Variants in KBTBD11 observed in about 807,000 individuals in gnomAD.
KBTBD11 encodes kelch repeat and BTB domain-containing protein 11.
For synonymous variants in KBTBD11, 747 were observed against 499.0 expected (o/e 1.50, Z -6.63); for missense variants, 1,390 against 1,001.8 (o/e 1.39, Z -5.23).
At chr8:1,978,589 C>T (rs996218532) in intron 1 of KBTBD11, among the ~76,000 whole-genome samples, 32 of 152,274 alleles carry the variant, frequency 2.1e-4, no homozygotes, top group Admixed American at 6.5e-4. Flanking sequence ...CAGGTGGAAC[C>T]GGGTCACCTT....
At chr8:1,987,706 G>A (rs924251942) in intron 1 of KBTBD11, among the ~76,000 whole-genome samples, 20 of 149,178 alleles carry the variant, frequency 1.3e-4, no homozygotes, top group African/African-American at 4.2e-4. Context: ...AGGTTCATCT[G>A]TCCTTATCTT....
chr8:1,981,436 T>G (rs1448831460), intron 1 of KBTBD11, among the ~76,000 whole-genome samples: 3 of 152,208 alleles, frequency 2.0e-5, no homozygotes, highest in Non-Finnish European at 4.4e-5. Flanking sequence ...AACTACATCT[T>G]CAGTATGAAG....
At position 2,002,803 on chromosome 8, in the gene KBTBD11, C is replaced by A; in HGVS notation, c.1611C>A (p.Cys537Ter). 6.9e-7 allele frequency: 1 copy of A among 1,447,036 alleles called. No homozygotes were observed. Among genetic ancestry groups the A allele is most frequent in the Non-Finnish European group, 9.0e-7 (1 of 1,108,384 alleles). The allele number at this position is 1,447,036 out of a possible 1,614,324, so 89.6% of individuals were successfully genotyped here. A position where few individuals can be genotyped will look rare whatever the true frequency, so the allele number is the denominator to read the frequency against. ...GCCTGGCCAAGCAGTGGAGCCCGTG[C>A]GTCGCGCCCCTGCGCCTCCCCGGCG... ...YHCLAKQWSPCVAPLRLPGGP... is the reference protein window; with the variant it reads ...YHCLAKQWSP The change falls in exon 2 of 2, where the codon TGC becomes TGA. Residue 537 changes from cysteine (C) to a stop codon, truncating the protein, a stop_gained. Transcript: ENST00000320248. LOFTEE classifies it low-confidence loss of function (END_TRUNC). The surrounding 1 kb of genome is among the most constrained non-coding windows in gnomAD (Gnocchi z 4.1).
At position 2,001,909 on chromosome 8, in the gene KBTBD11, C is replaced by T. The variant is rs551841702; in HGVS notation, c.717C>T (p.Val239=). The part of the protein sequence containing the change: ...PQLSLANCYE[V]LSAAKRQRLN... ...TGAGCCTGGCCAACTGCTACGAGGT[C>T]CTGAGCGCGGCCAAGCGGCAGCGGC... The change falls in exon 2 of 2, where the codon GTC becomes GTT. Residue 239 remains valine, a synonymous_variant. Coordinates refer to ENST00000320248, the MANE Select transcript of KBTBD11 (RefSeq NM_014867.3). The T allele has an allele frequency of 9.1e-5, 132 of 1,450,332 alleles. 1 individual carries two copies. The highest frequency in any genetic ancestry group is 9.4e-5 in the Non-Finnish European group (103 of 1,096,124). 89.8% of individuals were successfully genotyped at this position (1,450,332 alleles called of 1,614,324 possible).
Position 2,003,189 on chromosome 8 carries a change from G to C in KBTBD11, c.*125G>C. ...GCCACGCTGGTGGTTTGGACACTTC[G>C]AAGGAGCCCCGAGGACGCTCTCAGG... On this transcript the variant is annotated 3_prime_UTR_variant, in exon 2 of 2. Coordinates refer to ENST00000320248, the MANE Select transcript of KBTBD11 (RefSeq NM_014867.3). The C allele has an allele frequency of 8.1e-7, 1 of 1,234,620 alleles. No individual in the cohort carries two copies. The highest frequency in any genetic ancestry group is 1.0e-6 in the Non-Finnish European group (1 of 978,260). 76.5% of individuals were successfully genotyped at this position (1,234,620 alleles called of 1,614,324 possible).
At chr8:1,999,782 C>T (rs1441475392) in intron 1 of KBTBD11, among the ~76,000 whole-genome samples, 1 of 152,158 alleles carries the variant, frequency 6.6e-6, no homozygotes, top group Non-Finnish European at 1.5e-5. Context: ...CGCCTTTCTA[C>T]AAATGGTTGT....
chr8:1,987,875 C>T (rs960779563), intron 1 of KBTBD11, among the ~76,000 whole-genome samples: 1 of 152,082 alleles, frequency 6.6e-6, no homozygotes, highest in Non-Finnish European at 1.5e-5. Context: ...AATGCTTTCC[C>T]TCCCCCAGCT....
chr8:1,999,152 A>G (rs1817252783), intron 1 of KBTBD11, among the ~76,000 whole-genome samples: 1 of 152,190 alleles, frequency 6.6e-6, no homozygotes, highest in Non-Finnish European at 1.5e-5. Flanking sequence ...TCTGGAAGAC[A>G]GAGGGAGAGA....
At position 1,973,918 on chromosome 8, in the gene KBTBD11, A is replaced by C; in HGVS notation, c.-926A>C. ...CTGCGCGTCCCGGGCCCGGCGGCTG[A>C]AGAGGAGCCGCGGCGAGGTAGGGCG... On this transcript the variant is annotated 5_prime_UTR_variant, in exon 1 of 2. Coordinates refer to ENST00000320248, the MANE Select transcript of KBTBD11 (RefSeq NM_014867.3). The C allele has an allele frequency of 1.0e-6, 1 of 982,114 alleles. No individual in the cohort carries two copies. Among genetic ancestry groups the C allele is most frequent in the Non-Finnish European group, 1.2e-6 (1 of 828,460 alleles). The allele number at this position is 982,114 out of a possible 1,614,324, so 60.8% of individuals were successfully genotyped here. A position where few individuals can be genotyped will look rare whatever the true frequency, so the allele number is the denominator to read the frequency against.
intron 1 of KBTBD11, among the ~76,000 whole-genome samples, chr8:1,997,351 A>T (rs1718764484): frequency 6.6e-6 from 1 of 152,122 alleles, no homozygotes; most frequent in African/African-American, 2.4e-5. Flanking sequence ...CCCAAAGGCC[A>T]ACTCCTCTCC....
At chr8:1,978,602 T>C (rs1185368419) in intron 1 of KBTBD11, among the ~76,000 whole-genome samples, 7 of 152,146 alleles carry the variant, frequency 4.6e-5, no homozygotes, top group Admixed American at 3.3e-4. Context: ...GTCACCTTTC[T>C]CACGAGGCGG....
intron 1 of KBTBD11, among the ~76,000 whole-genome samples, chr8:1,987,097 C>G (rs1284166922): frequency 1.3e-5 from 2 of 151,440 alleles, no homozygotes; most frequent in Non-Finnish European, 2.9e-5. Context: ...AACAGAGACA[C>G]TGGAAGCCCT....
Position 2,006,495 on chromosome 8 carries a change from G to C in KBTBD11, c.*3431G>C, listed in dbSNP as rs1335687413. On this transcript the variant is annotated 3_prime_UTR_variant, in exon 2 of 2. Coordinates refer to ENST00000320248, the MANE Select transcript of KBTBD11 (RefSeq NM_014867.3). The stretch of plus-strand genomic sequence containing the variant: ...TGTTATTGTTCATAAGAAAACACGA[G>C]CTGAAAATGGAAATCTGCAGTTGTT... 1 of 166,962 alleles carries C rather than the reference G, an allele frequency of 6.0e-6. No homozygotes were observed. The highest frequency in any genetic ancestry group is 2.4e-5 in the African/African-American group (1 of 41,446). 10.3% of individuals were successfully genotyped at this position (166,962 alleles called of 1,614,324 possible).
At chr8:1,974,382 A>AGAAGCC in intron 1 of KBTBD11, 3 of 984,516 alleles carry the variant, frequency 3.0e-6, no homozygotes, top group Admixed American at 6.2e-5. Context: ...AAGCAGGAGC[A>AGAAGCC]GAAGCCGAAG....
rs1817326765 is a variant in KBTBD11 at position 2,001,115 on chromosome 8, G to C, written c.-78G>C. Reference sequence around the variant, plus strand: ...GAAAAGCTGTGAGGCTGGAAACCCCGGAGTAAGGCTCGACCTTGGCCAGAC... The same window carrying C: ...GAAAAGCTGTGAGGCTGGAAACCCCCGAGTAAGGCTCGACCTTGGCCAGAC... On this transcript the variant is annotated 5_prime_UTR_variant, in exon 2 of 2. Coordinates refer to ENST00000320248, the MANE Select transcript of KBTBD11 (RefSeq NM_014867.3). 7.9e-7 allele frequency: 1 copy of C among 1,263,836 alleles called. No individual in the cohort carries two copies. The highest frequency in any genetic ancestry group is 2.9e-5 in the South Asian group (1 of 34,572). The allele number at this position is 1,263,836 out of a possible 1,614,324, so 78.3% of individuals were successfully genotyped here. A position where few individuals can be genotyped will look rare whatever the true frequency, so the allele number is the denominator to read the frequency against.
Position 2,001,052 on chromosome 8 carries a change from G to C in KBTBD11, c.-141G>C. On this transcript the variant is annotated 5_prime_UTR_variant, in exon 2 of 2. Transcript: ENST00000320248. ...CCCCCTTCACACACACAACAACAAA[G>C]CGTGGACACACAGAAGTGAAATCTG... The C allele has an allele frequency of 1.8e-6, 2 of 1,131,640 alleles. No homozygotes were observed. Among genetic ancestry groups the C allele is most frequent in the Non-Finnish European group, 2.3e-6 (2 of 888,600 alleles). 70.1% of individuals were successfully genotyped at this position (1,131,640 alleles called of 1,614,324 possible). A position where few individuals can be genotyped will look rare whatever the true frequency, so the allele number is the denominator to read the frequency against.
chr8:1,994,369 G>A (rs544771145), intron 1 of KBTBD11, among the ~76,000 whole-genome samples: 1 of 152,318 alleles, frequency 6.6e-6, no homozygotes, highest in East Asian at 1.9e-4. Context: ...GGCAACCGGC[G>A]ACCCGCCTGA....
At position 2,001,848 on chromosome 8, in the gene KBTBD11, C is replaced by G. The variant is rs1817377779; in HGVS notation, c.656C>G (p.Ala219Gly). The G allele has an allele frequency of 8.0e-7, 1 of 1,247,078 alleles. No homozygotes were observed. Among genetic ancestry groups the G allele is most frequent in the Non-Finnish European group, 1.0e-6 (1 of 994,452 alleles). The allele number at this position is 1,247,078 out of a possible 1,614,324, so 77.3% of individuals were successfully genotyped here. A position where few individuals can be genotyped will look rare whatever the true frequency, so the allele number is the denominator to read the frequency against. The change falls in exon 2 of 2, where the codon GCC (alanine) becomes GGC (glycine). Residue 219 changes from alanine (A) to glycine (G), a missense_variant. By Grantham distance (60) the Ala-to-Gly change is moderately conservative. Transcript: ENST00000320248. ...AGARRLQLPGAAQRATDAVGP... is the reference protein window; with the variant it reads ...AGARRLQLPGGAQRATDAVGP... Reference sequence around the variant, plus strand: ...GCGCGCCGCCTGCAGCTGCCCGGCGCCGCGCAGCGCGCCACCGACGCCGTG... The same window carrying G: ...GCGCGCCGCCTGCAGCTGCCCGGCGGCGCGCAGCGCGCCACCGACGCCGTG...
chr8:1,984,040 G>C (rs1354283281), intron 1 of KBTBD11, among the ~76,000 whole-genome samples: 1 of 152,182 alleles, frequency 6.6e-6, no homozygotes. Context: ...TGAAGCAGGA[G>C]AATCACTTGA....
Sources: gnomAD v4.1 joint callset for allele counts (sites outside exome capture counted in the v4.1 genomes callset) on GRCh38, gnomAD v4.1.1 for gene constraint, Gnocchi (gnomAD v3.1) non-coding constraint, MANE v1.5 for transcripts, NCBI Gene and HGNC (gene_info 2026-07-23, HGNC 2026-07-21) for gene names.